Variants in NRG1 observed in about 807,000 individuals in gnomAD.
The protein encoded by NRG1 is neuregulin 1, also known as pro-neuregulin-1, membrane-bound isoform.
Under a neutral mutation model 63.8 loss-of-function variants are expected in NRG1, and 18 were observed. That is an observed-to-expected ratio of 0.28 (90% CI 0.19 to 0.42). NRG1 has a LOEUF of 0.42. NRG1 is among the 10% of genes least tolerant of loss of function. The pLI is 1.00. For missense variants in NRG1, 762 were observed against 814.7 expected, an observed-to-expected ratio of 0.94 and a Z score of 0.79; for synonymous variants, 302 against 301.3, an observed-to-expected ratio of 1.00 and a Z score of -0.02.
At chr8:32,274,372 G>T (rs559547930) in intron 1 of NRG1, among the ~76,000 whole-genome samples, 31 of 152,272 alleles carry the variant, frequency 2.0e-4, no homozygotes, top group Admixed American at 3.9e-4. Context: ...TGAGTTTAGG[G>T]TAAGTACGGG....
chr8:32,068,968 C>A (rs1232318945), intron 1 of NRG1, among the ~76,000 whole-genome samples: 1 of 152,126 alleles, frequency 6.6e-6, no homozygotes, highest in Non-Finnish European at 1.5e-5. Flanking sequence ...TACTTGGTGT[C>A]TTTGGTGAGA....
chr8:32,454,573 C>CTTTT (rs1158217383), intron 1 of NRG1, among the ~76,000 whole-genome samples: 8 of 76,450 alleles, frequency 1.0e-4, no homozygotes, highest in Admixed American at 1.5e-4. Context: ...TCCCATCCCT[C>CTTTT]TTTTTTTTTT....
intron 5 of NRG1, among the ~76,000 whole-genome samples, chr8:32,627,365 G>A (rs1294126502): frequency 6.6e-6 from 1 of 152,196 alleles, no homozygotes; most frequent in Non-Finnish European, 1.5e-5. Context: ...CATTGTTGAT[G>A]AGCAGACACT....
At chr8:32,689,377 T>C (rs144056377) in intron 5 of NRG1, among the ~76,000 whole-genome samples, 113 of 152,090 alleles carry the variant, frequency 7.4e-4, no homozygotes, top group African/African-American at 2.6e-3. Flanking sequence ...TCTTTCTTAA[T>C]ATTTGAAAAT....
chr8:32,260,850 C>T (rs1028250314), intron 1 of NRG1, among the ~76,000 whole-genome samples: 5 of 152,160 alleles, frequency 3.3e-5, no homozygotes, highest in Non-Finnish European at 7.4e-5. Flanking sequence ...GCTCTCTTTG[C>T]TTTCCTTGAT....
At chr8:32,572,166 A>G (rs1838725206) in intron 1 of NRG1, among the ~76,000 whole-genome samples, 1 of 152,202 alleles carries the variant, frequency 6.6e-6, no homozygotes, top group Non-Finnish European at 1.5e-5. Context: ...CACATTTTAG[A>G]AATGCTTACG....
intron 1 of NRG1, among the ~76,000 whole-genome samples, chr8:31,721,402 TTATC>T (rs140625289): frequency 3.2e-3 from 490 of 152,312 alleles, no homozygotes; most frequent in Non-Finnish European, 6.0e-3. Flanking sequence ...AATTCCTAAT[TTATC>T]TGTGCTCCCC....
At chr8:32,094,528 A>T (rs16878794) in intron 1 of NRG1, among the ~76,000 whole-genome samples, 60,076 of 152,062 alleles carry the variant, frequency 0.4, 12,896 homozygotes, top group African/African-American at 0.55. Context: ...GGTTGTTTGA[A>T]TTTAACAATG....
chr8:32,205,104 T>C (rs1188712710), intron 1 of NRG1, among the ~76,000 whole-genome samples: 1 of 152,168 alleles, frequency 6.6e-6, no homozygotes, highest in East Asian at 1.9e-4. Context: ...AGTAAACATA[T>C]CATATAAATG....
chr8:32,725,904 AT>A (rs1822051612), intron 5 of NRG1, among the ~76,000 whole-genome samples: 1 of 152,140 alleles, frequency 6.6e-6, no homozygotes, highest in Non-Finnish European at 1.5e-5. Context: ...GAAATGTTGT[AT>A]ACTCCATGAT....
intron 5 of NRG1, chr8:32,721,899 G>T: frequency 6.9e-7 from 1 of 1,447,124 alleles, no homozygotes; most frequent in Non-Finnish European, 9.1e-7. Flanking sequence ...TTTTTCCCCA[G>T]TAGGAGTTCA....
chr8:31,854,700 T>C (rs915010143), intron 1 of NRG1, among the ~76,000 whole-genome samples: 131 of 152,334 alleles, frequency 8.6e-4, no homozygotes, highest in African/African-American at 2.9e-3. Flanking sequence ...TTAATTGTGA[T>C]GTTAGGGTGT....
At chr8:32,486,966 C>T (rs1405116982) in intron 1 of NRG1, among the ~76,000 whole-genome samples, 1 of 152,132 alleles carries the variant, frequency 6.6e-6, no homozygotes, top group Non-Finnish European at 1.5e-5. Context: ...ATTGTCTTTC[C>T]TTCTGCTAGA....
intron 1 of NRG1, among the ~76,000 whole-genome samples, chr8:32,187,259 G>A (rs1023528157): frequency 3.3e-5 from 5 of 152,182 alleles, no homozygotes; most frequent in Non-Finnish European, 4.4e-5. Flanking sequence ...GGGCGCATTA[G>A]TGAGCTGGTA....
chr8:32,252,187 C>T (rs943230120), intron 1 of NRG1, among the ~76,000 whole-genome samples: 1 of 152,074 alleles, frequency 6.6e-6, no homozygotes, highest in African/African-American at 2.4e-5. Context: ...TGTGCAAAAG[C>T]TCTTTAGTTT....
At chr8:32,637,761 G>A (rs1300101624) in intron 5 of NRG1, among the ~76,000 whole-genome samples, 1 of 152,132 alleles carries the variant, frequency 6.6e-6, no homozygotes, top group Admixed American at 6.5e-5. Flanking sequence ...CTGTTCTCAG[G>A]GGAAGTTGTT....
intron 1 of NRG1, among the ~76,000 whole-genome samples, chr8:31,877,744 T>C (rs1441916864): frequency 6.6e-6 from 1 of 152,136 alleles, no homozygotes; most frequent in Non-Finnish European, 1.5e-5. Flanking sequence ...ATTTTATACA[T>C]GTATCAGAAT....
At chr8:31,684,001 G>A (rs1808611829) in intron 1 of NRG1, among the ~76,000 whole-genome samples, 1 of 152,200 alleles carries the variant, frequency 6.6e-6, no homozygotes, top group Non-Finnish European at 1.5e-5. Context: ...GAGCATGTAA[G>A]AGAAGACTTG....
At chr8:32,006,818 C>T (rs1813855814) in intron 1 of NRG1, among the ~76,000 whole-genome samples, 1 of 152,056 alleles carries the variant, frequency 6.6e-6, no homozygotes, top group African/African-American at 2.4e-5. Flanking sequence ...ATCACCTTGA[C>T]TTTGACCTTG....
Sources: gnomAD v4.1 joint callset for allele counts (sites outside exome capture counted in the v4.1 genomes callset) on GRCh38, gnomAD v4.1.1 for gene constraint, MANE v1.5 for transcripts, NCBI Gene and HGNC (gene_info 2026-07-23, HGNC 2026-07-21) for gene names.